The following RBM45 variants were observed in gnomAD, a reference collection of about 807,000 sequenced individuals.
RBM45 encodes RNA-binding protein 45.
RBM45 carries 39 observed loss-of-function variants against 58.5 expected under a neutral mutation model. The ratio of observed to expected loss-of-function variants is 0.67; its 90% CI spans 0.52 to 0.87. The LOEUF (loss-of-function observed/expected upper bound fraction) is 0.87, where lower values mean the gene tolerates loss of function less well. Among genes scored for constraint, RBM45 ranks in the 40% least tolerant of loss-of-function variants. RBM45 has a pLI of 0.00. For synonymous variants in RBM45, 193 were observed against 203.0 expected (o/e 0.95, Z 0.42); for missense variants, 481 against 581.6 (o/e 0.83, Z 1.78).
At chr2:178,125,752 G>T (rs1193270772) in intron 8 of RBM45, 7 of 663,716 alleles carry the variant, frequency 1.1e-5, no homozygotes, top group Non-Finnish European at 2.0e-5. Flanking sequence ...AAGCTCAGGG[G>T]TAAGGAAACT....
At chr2:178,126,305 T>C (rs2087928889) in intron 9 of RBM45, 121 bp downstream of exon 9, 2 of 515,718 alleles carry the variant, frequency 3.9e-6, no homozygotes, top group Admixed American at 7.8e-5. Context: ...AAAAGAGCTT[T>C]GCAACTATTT....
At chr2:178,131,193 T>G (rs2088001676), downstream of RBM45, among the ~76,000 whole-genome samples, 1 of 152,006 alleles carries the variant, frequency 6.6e-6, no homozygotes, top group Non-Finnish European at 1.5e-5. Flanking sequence ...CCAAACTCAT[T>G]TACTGTACAC....
chr2:178,118,253 A>G, intron 3 of RBM45, 72 bp downstream of exon 3: 1 of 1,435,138 alleles, frequency 7.0e-7, no homozygotes, highest in Non-Finnish European at 9.4e-7. Context: ...TGAATTTAAT[A>G]TTAGTTTTTG....
At chr2:178,116,203 T>C (rs1320055428) in intron 1 of RBM45, 59 bp from the exon 2 acceptor site, 1 of 1,508,950 alleles carries the variant, frequency 6.6e-7, no homozygotes, top group Non-Finnish European at 8.8e-7. Context: ...TTGAAAAAAT[T>C]TAAGAAATGG....
intron 7 of RBM45, 49 bp downstream of exon 7, chr2:178,123,961 A>G: frequency 6.5e-7 from 1 of 1,543,974 alleles, no homozygotes; most frequent in South Asian, 1.2e-5. Flanking sequence ...AGCATATAAA[A>G]TAAATGTGAA....
intron 9 of RBM45, among the ~76,000 whole-genome samples, chr2:178,126,810 T>C (rs561349088): frequency 2.6e-5 from 4 of 152,328 alleles, no homozygotes; most frequent in African/African-American, 9.6e-5. Flanking sequence ...TATTGTAAAT[T>C]TTGATACATA....
Position 178,118,069 on chromosome 2 carries a change from C to G in RBM45, c.438C>G (p.Ile146Met). 2 of 1,609,358 alleles carry G rather than the reference C, an allele frequency of 1.2e-6. No homozygotes were observed. Among genetic ancestry groups the G allele is most frequent in the Non-Finnish European group, 1.7e-6 (2 of 1,177,152 alleles). ...LREKFKVYGDIEYCSIIKNKV... is the reference protein window; with the variant it reads ...LREKFKVYGDMEYCSIIKNKV... ...AACTCTCTTAGGTGTATGGAGATATCGAGTATTGCAGCATTATTAAGAATA... is the reference window on the plus strand; with the variant it reads ...AACTCTCTTAGGTGTATGGAGATATGGAGTATTGCAGCATTATTAAGAATA... The change falls in exon 3 of 10, where the codon ATC becomes ATG. Residue 146 changes from isoleucine to methionine, a missense_variant. Transcript: ENST00000286070.
At chr2:178,118,025 C>A in intron 2 of RBM45, 30 bp from the exon 3 acceptor site, 1 of 1,511,144 alleles carries the variant, frequency 6.6e-7, no homozygotes, top group Non-Finnish European at 8.9e-7. Context: ...ATTTTAAGTC[C>A]CCTAAAATCA....
At chr2:178,128,434 A>C (rs1343559812) in intron 9 of RBM45, among the ~76,000 whole-genome samples, 1 of 152,218 alleles carries the variant, frequency 6.6e-6, no homozygotes, top group Non-Finnish European at 1.5e-5. Context: ...GAAACCTTTG[A>C]GATGTCCTCT....
intron 2 of RBM45, among the ~76,000 whole-genome samples, chr2:178,116,821 T>A (rs1390118956): frequency 1.3e-5 from 2 of 152,044 alleles, no homozygotes; most frequent in Admixed American, 6.6e-5. Flanking sequence ...CAGGCAGACC[T>A]GAGTGTGTGA....
In RBM45 at chr2:178,123,508, G is replaced by T; in HGVS notation, c.854-14G>T. 1.3e-6 allele frequency: 2 copies of T among 1,550,848 alleles called. No homozygotes were observed. The highest frequency in any genetic ancestry group is 2.5e-5 in the South Asian group (2 of 78,708). On this transcript the variant is annotated splice_polypyrimidine_tract_variant and intron_variant, in intron 5 of 9. Coordinates refer to ENST00000286070, the MANE Select transcript of RBM45 (RefSeq NM_152945.4). ...CTGCTTTCCTTTTTCATTTCTGTATGTTCTCTATTTTAGGTCATGGAGTGG... is the reference window on the plus strand; with the variant it reads ...CTGCTTTCCTTTTTCATTTCTGTATTTTCTCTATTTTAGGTCATGGAGTGG...
Position 178,112,473 on chromosome 2 carries a change from G to A in RBM45, c.-74G>A. The A allele has an allele frequency of 1.4e-6, 2 of 1,392,504 alleles. No individual in the cohort carries two copies. The highest frequency in any genetic ancestry group is 2.0e-6 in the Non-Finnish European group (2 of 1,005,986). 86.3% of individuals were successfully genotyped at this position (1,392,504 alleles called of 1,614,324 possible). ...GGAGCACCGAGCCGGCAAAGGCTTG[G>A]GTGTGAGACAGCAGCGGTGGCAGAC... On this transcript the variant is annotated 5_prime_UTR_variant, in exon 1 of 10. Transcript: ENST00000286070.
intron 4 of RBM45, 41 bp downstream of exon 4, chr2:178,120,450 T>C: frequency 6.5e-7 from 1 of 1,536,132 alleles, no homozygotes; most frequent in Non-Finnish European, 8.8e-7. Context: ...TAATGTAGTA[T>C]ATGCAATCTA....
rs777502509 is a variant in RBM45 at position 178,116,370 on chromosome 2, C to T, written c.409C>T (p.Arg137Trp). Residue 137 changes from arginine to tryptophan, a missense_variant, in exon 2 of 10, where the codon CGG becomes TGG. Physicochemically the swap from Arg to Trp is moderately radical, Grantham distance 101 (BLOSUM62 -3). Coordinates refer to ENST00000286070, the MANE Select transcript of RBM45 (RefSeq NM_152945.4). ...AAAGTCCTACACAGAAGAAGATCTGCGGGAAAAATTTAAGGTATTTATTCT... is the reference window on the plus strand; with the variant it reads ...AAAGTCCTACACAGAAGAAGATCTGTGGGAAAAATTTAAGGTATTTATTCT... ...IPKSYTEEDL[R>W]EKFKVYGDIE... The T allele has an allele frequency of 1.8e-5, 29 of 1,602,950 alleles. No individual in the cohort carries two copies. The highest frequency in any genetic ancestry group is 5.3e-5 in the Admixed American group (3 of 56,828).
intron 3 of RBM45, among the ~76,000 whole-genome samples, chr2:178,119,387 G>A (rs563762565): frequency 6.6e-6 from 1 of 152,312 alleles, no homozygotes; most frequent in African/African-American, 2.4e-5. Context: ...ACAATGCCAG[G>A]AATAAACATG....
intron 2 of RBM45, among the ~76,000 whole-genome samples, chr2:178,117,035 C>T (rs755690936): frequency 6.6e-6 from 1 of 152,106 alleles, no homozygotes; most frequent in Non-Finnish European, 1.5e-5. Flanking sequence ...TTAACTTATG[C>T]AGTGATGAGC....
Position 178,112,560 on chromosome 2 carries a change from G to A in RBM45, c.14G>A (p.Gly5Asp), listed in dbSNP as rs371141654. The A allele has an allele frequency of 8.8e-5, 142 of 1,613,300 alleles. No homozygotes were observed. Among genetic ancestry groups the A allele is most frequent in the Non-Finnish European group, 1.1e-4 (135 of 1,179,806 alleles). ...GGGTGGAGCACCATGGACGAAGCTG[G>A]CAGCTCTGCGAGCGGCGGGGGCTTC... MDEA[G>D]SSASGGGFRP... The change falls in exon 1 of 10, where the codon GGC becomes GAC. Residue 5 changes from glycine (G) to aspartate (D), a missense_variant. Physicochemically the swap from Gly to Asp is moderately conservative, Grantham distance 94 (BLOSUM62 -1). Transcript: ENST00000286070.
intron 9 of RBM45, among the ~76,000 whole-genome samples, chr2:178,129,023 G>A (rs1026254573): frequency 1.3e-5 from 2 of 152,194 alleles, no homozygotes; most frequent in East Asian, 3.9e-4. Context: ...TATGGGCCTG[G>A]GATTAAGTGA....
intron 8 of RBM45, 67 bp downstream of exon 8, chr2:178,124,357 A>T: frequency 9.5e-7 from 1 of 1,053,790 alleles, no homozygotes; most frequent in Non-Finnish European, 1.4e-6. Flanking sequence ...TATAATCTAG[A>T]CACTTCCTTC....
Sources: allele counts gnomAD v4.1 joint callset (sites outside exome capture counted in the v4.1 genomes callset), GRCh38; gene constraint gnomAD v4.1.1; transcripts MANE v1.5; gene names NCBI Gene and HGNC (gene_info 2026-07-23, HGNC 2026-07-21).